The following CD163L1 variants were observed in gnomAD, a reference collection of about 807,000 sequenced individuals.
CD163L1 encodes CD163 molecule like 1.
Under a neutral mutation model 165.4 loss-of-function variants are expected in CD163L1, and 124 were observed. The observed-to-expected ratio is 0.75, with a 90% CI of 0.65 to 0.87. CD163L1 has a LOEUF of 0.87. Among genes scored for constraint, CD163L1 ranks in the 40% least tolerant of loss-of-function variants. The pLI, the probability that CD163L1 is intolerant of heterozygous loss-of-function variation, is 0.00. For missense variants in CD163L1, 1,525 were observed against 1,799.9 expected (o/e 0.85, Z 2.76); for synonymous variants, 585 against 662.2 (o/e 0.88, Z 1.79).
downstream of CD163L1, among the ~76,000 whole-genome samples, chr12:7,342,294 C>T (rs952485556): frequency 4.6e-5 from 7 of 152,332 alleles, no homozygotes; most frequent in African/African-American, 1.7e-4. Context: ...CATTCTTAAA[C>T]CACAAACAAT....
chr12:7,388,707 C>G (rs1205158256), intron 8 of CD163L1, among the ~76,000 whole-genome samples: 2 of 149,272 alleles, frequency 1.3e-5, no homozygotes, highest in Non-Finnish European at 3.0e-5. Flanking sequence ...TTGTGCCACT[C>G]CACCCCAGCC....
At chr12:7,443,352 T>C (rs1948853748) in intron 1 of CD163L1, among the ~76,000 whole-genome samples, 1 of 152,096 alleles carries the variant, frequency 6.6e-6, no homozygotes, top group Non-Finnish European at 1.5e-5. Flanking sequence ...TATTTAGGAG[T>C]TATAAGTCCC....
chr12:7,324,590 C>T, the CD163L1 span: 177 of 1,613,760 alleles, frequency 1.1e-4, no homozygotes, highest in South Asian at 6.3e-4. Context: ...AGATCAAATC[C>T]GCGGAGAGGT....
chr12:7,401,507 T>C (rs1457964556), intron 6 of CD163L1, among the ~76,000 whole-genome samples: 4 of 152,138 alleles, frequency 2.6e-5, no homozygotes, highest in African/African-American at 4.8e-5. Context: ...TGGCAAACTA[T>C]ATAATCAAGT....
chr12:7,362,446 GTGT>G (rs1346380540), intron 18 of CD163L1, among the ~76,000 whole-genome samples: 5 of 136,434 alleles, frequency 3.7e-5, no homozygotes, highest in Non-Finnish European at 3.0e-5. Context: ...ATATAATTAT[GTGT>G]TATTACATTA....
chr12:7,333,315 T>A, the CD163L1 span, among the ~76,000 whole-genome samples: 1 of 152,062 alleles, frequency 6.6e-6, no homozygotes, highest in Non-Finnish European at 1.5e-5. Context: ...GCAATCAAAC[T>A]AGAACTCAGG....
chr12:7,377,636 C>T (rs1947297250), intron 9 of CD163L1, among the ~76,000 whole-genome samples: 1 of 152,066 alleles, frequency 6.6e-6, no homozygotes, highest in African/African-American at 2.4e-5. Context: ...TTATTCATGA[C>T]TTCTCTGTAG....
chr12:7,323,077 C>T, the CD163L1 span, among the ~76,000 whole-genome samples: 6 of 152,250 alleles, frequency 3.9e-5, no homozygotes, highest in Admixed American at 2.6e-4. Flanking sequence ...TACTGCACAC[C>T]GAAGTTTGAG....
At chr12:7,365,186 A>G (rs1455471830) in intron 18 of CD163L1, among the ~76,000 whole-genome samples, 9 of 152,180 alleles carry the variant, frequency 5.9e-5, no homozygotes, top group Admixed American at 5.9e-4. Flanking sequence ...TCTCTTCAAT[A>G]AATGGCACTG....
intron 4 of CD163L1, among the ~76,000 whole-genome samples, chr12:7,431,073 G>A (rs1948619215): frequency 6.6e-6 from 1 of 152,076 alleles, no homozygotes; most frequent in Admixed American, 6.6e-5. Flanking sequence ...CTTCTTAGAG[G>A]TGGTAAGTGA....
Position 7,433,564 on chromosome 12 carries a change from C to T in CD163L1, c.255G>A (p.Val85=). 1 of 1,614,158 alleles carries T rather than the reference C, an allele frequency of 6.2e-7. No homozygotes were observed. The highest frequency in any genetic ancestry group is 2.2e-5 in the East Asian group (1 of 44,890). ...DGWNTTASTV[V]CKQLGCPFSF... ...AAAATGGACATCCAAGCTGTTTGCACACGACAGTTGAGGCAGTAGTGTTCC... is the reference window on the plus strand; with the variant it reads ...AAAATGGACATCCAAGCTGTTTGCATACGACAGTTGAGGCAGTAGTGTTCC... Residue 85 remains valine, a synonymous_variant, in exon 3 of 20, where the codon GTG becomes GTA. Coordinates refer to ENST00000313599, the MANE Select transcript of CD163L1 (RefSeq NM_174941.6).
chr12:7,380,810 G>T (rs1303439054), intron 8 of CD163L1, among the ~76,000 whole-genome samples: 1 of 152,030 alleles, frequency 6.6e-6, no homozygotes, highest in East Asian at 1.9e-4. Context: ...AGGAAACGAA[G>T]AATTAAATCA....
intron 4 of CD163L1, among the ~76,000 whole-genome samples, chr12:7,427,217 T>C (rs779495395): frequency 1.3e-5 from 2 of 152,136 alleles, no homozygotes; most frequent in South Asian, 2.1e-4. Flanking sequence ...GACATATATG[T>C]AACATTCCAT....
At chr12:7,434,784 T>G (rs77151890) in intron 2 of CD163L1, among the ~76,000 whole-genome samples, 1,811 of 152,170 alleles carry the variant, frequency 0.012, 17 homozygotes, top group Middle Eastern at 0.024. Context: ...GTTCTGAGTT[T>G]CAGTACACAA....
At chr12:7,418,291 T>C (rs1190215364) in intron 4 of CD163L1, among the ~76,000 whole-genome samples, 2 of 152,088 alleles carry the variant, frequency 1.3e-5, no homozygotes, top group Non-Finnish European at 2.9e-5. Context: ...GAGCATTGGG[T>C]CAACAATGAA....
At chr12:7,340,573 G>A in the CD163L1 span, among the ~76,000 whole-genome samples, 5 of 152,130 alleles carry the variant, frequency 3.3e-5, no homozygotes, top group Non-Finnish European at 7.3e-5. Context: ...TTCAATTCAT[G>A]TACCACTTCC....
At chr12:7,363,447 T>C (rs1011279621) in intron 18 of CD163L1, among the ~76,000 whole-genome samples, 2 of 151,548 alleles carry the variant, frequency 1.3e-5, no homozygotes, top group Non-Finnish European at 2.9e-5. Context: ...AGAAATAAAT[T>C]AAATTGAGAC....
Position 7,400,878 on chromosome 12 carries a change from G to A in CD163L1, c.1409-2294C>T, listed in dbSNP as rs774919092. ...TCTAGAAATAGAAGAGGGGGATTAT[G>A]TATTTTATAAAGGGACTCTATAAAA... On this transcript the variant is annotated intron_variant, in intron 6 of 19. Transcript: ENST00000313599. This position sits in a 1 kb window ranked among gnomAD's most constrained non-coding sequence, Gnocchi z 4.1. Among the ~76,000 whole-genome samples, 21 of 152,242 alleles carry A rather than the reference G, an allele frequency of 1.4e-4. No individual in the cohort carries two copies. Among genetic ancestry groups the A allele is most frequent in the Middle Eastern group, 3.4e-3 (1 of 294 alleles).
At chr12:7,329,892 TC>T in the CD163L1 span, among the ~76,000 whole-genome samples, 4 of 152,120 alleles carry the variant, frequency 2.6e-5, no homozygotes, top group African/African-American at 9.7e-5. Flanking sequence ...AACTATCAAA[TC>T]AAAATCTTTC....
Sources: allele counts gnomAD v4.1 joint callset (sites outside exome capture counted in the v4.1 genomes callset), GRCh38; gene constraint gnomAD v4.1.1; non-coding constraint Gnocchi (gnomAD v3.1); transcripts MANE v1.5; gene names NCBI Gene and HGNC (gene_info 2026-07-23, HGNC 2026-07-21).